Variants in DENND1B observed in about 807,000 individuals in gnomAD.
The protein encoded by DENND1B is DENN domain containing 1B, also known as DENN domain-containing protein 1B.
DENND1B carries 59 observed loss-of-function variants against 90.1 expected under a neutral mutation model. The observed-to-expected ratio is 0.65, with a 90% CI of 0.53 to 0.81. The LOEUF (loss-of-function observed/expected upper bound fraction) is 0.81. Among genes scored for constraint, DENND1B ranks in the 40% least tolerant of loss-of-function variants. The pLI is 0.00. For synonymous variants in DENND1B, 337 were observed against 324.6 expected, an observed-to-expected ratio of 1.04 and a Z score of -0.41; for missense variants, 862 against 912.6, an observed-to-expected ratio of 0.94 and a Z score of 0.71.
chr1:197,575,405 T>C (rs1385248300), intron 15 of DENND1B, among the ~76,000 whole-genome samples: 1 of 152,136 alleles, frequency 6.6e-6, no homozygotes, highest in African/African-American at 2.4e-5. Flanking sequence ...CCATTTAGAA[T>C]GGTGATCATT....
chr1:197,683,911 T>C (rs949679975), intron 3 of DENND1B, among the ~76,000 whole-genome samples: 2 of 152,212 alleles, frequency 1.3e-5, no homozygotes, highest in African/African-American at 2.4e-5. Context: ...CTCTATTTGT[T>C]ACAGTTGGAA....
intron 10 of DENND1B, among the ~76,000 whole-genome samples, chr1:197,633,465 T>G (rs532590571): frequency 6.6e-6 from 1 of 152,230 alleles, no homozygotes; most frequent in East Asian, 1.9e-4. Context: ...AAAGGGACAA[T>G]GCAAAAAGAG....
At chr1:197,736,204 T>A (rs992875273) in intron 2 of DENND1B, 9 of 436,532 alleles carry the variant, frequency 2.1e-5, no homozygotes, top group Non-Finnish European at 3.4e-5. Flanking sequence ...TCTTTTGATT[T>A]CAAGCTCAAT....
chr1:197,605,398 AT>A (rs565999494), intron 13 of DENND1B: 13 of 151,088 alleles, frequency 8.6e-5, no homozygotes, highest in Admixed American at 3.3e-4. Context: ...TTCAAAGATT[AT>A]TTTTTCAAGA....
chr1:197,715,938 C>CA lies in DENND1B; in HGVS notation c.83-865dup, dbSNP rs1269834828. On this transcript the variant is annotated intron_variant, in intron 2 of 22. Transcript: ENST00000620048. ...TGTATAATGGATTATTTCTTCTGGG[C>CA]AAAAAAAAAACAAAACTTGAAAGCC... Among the ~76,000 whole-genome samples the CA allele has an allele frequency of 6.1e-4, 80 of 131,830 alleles. 1 individual carries two copies. The highest frequency in any genetic ancestry group is 3.9e-3 in the Middle Eastern group (1 of 258). 86.5% of individuals were successfully genotyped at this position (131,830 alleles called of 152,430 possible). A position where few individuals can be genotyped will look rare whatever the true frequency, so the allele number is the denominator to read the frequency against.
rs114119207 is a variant in DENND1B at position 197,606,973 on chromosome 1, C to T, written c.921+100G>A. 758 of 827,222 alleles carry T rather than the reference C, an allele frequency of 9.2e-4. 3 individuals carry two copies. In the African/African-American group the frequency reaches 0.012, roughly 13 times the overall value. 51.2% of individuals were successfully genotyped at this position (827,222 alleles called of 1,614,324 possible). A position where few individuals can be genotyped will look rare whatever the true frequency, so the allele number is the denominator to read the frequency against. ...TCTCACACCCCATGCAAATACCCAACCCTTTTATTTCAGATATTAAAAGTG... is the reference window on the plus strand; with the variant it reads ...TCTCACACCCCATGCAAATACCCAATCCTTTTATTTCAGATATTAAAAGTG... On this transcript the variant is annotated intron_variant, in intron 13 of 22. Transcript: ENST00000620048.
chr1:197,510,343 T>C lies in DENND1B; in HGVS notation c.*117A>G. On this transcript the variant is annotated 3_prime_UTR_variant, in exon 23 of 23. Transcript: ENST00000620048. ...TCGAAATGAACAAGTGAGAAAAATG[T>C]TGCAAATGCAAAAAAAAATTTAAAT... 1 of 1,155,998 alleles carries C rather than the reference T, an allele frequency of 8.7e-7. No homozygotes were observed. The highest frequency in any genetic ancestry group is 1.6e-5 in the African/African-American group (1 of 63,598). The allele number at this position is 1,155,998 out of a possible 1,614,324, so 71.6% of individuals were successfully genotyped here.
rs1314456987 is a variant in DENND1B, at chr1:197,552,302, A to G, written c.1240+720T>C. The G allele has an allele frequency of 3.1e-5, 30 of 982,016 alleles. 1 individual carries two copies. Among genetic ancestry groups the G allele is most frequent in the Middle Eastern group, 1.0e-3 (2 of 1,932 alleles). The allele number at this position is 982,016 out of a possible 1,614,324, so 60.8% of individuals were successfully genotyped here. A position where few individuals can be genotyped will look rare whatever the true frequency, so the allele number is the denominator to read the frequency against. On this transcript the variant is annotated intron_variant, in intron 16 of 22. Coordinates refer to ENST00000620048, the MANE Select transcript of DENND1B (RefSeq NM_001195215.2). The stretch of plus-strand genomic sequence containing the variant: ...ATTTAGTACACTTAATATTTAGAAC[A>G]GTGCCTAATACATTGTAAGCACTCA...
At chr1:197,758,372 T>A (rs1172981875) in intron 2 of DENND1B, among the ~76,000 whole-genome samples, 1 of 152,208 alleles carries the variant, frequency 6.6e-6, no homozygotes, top group African/African-American at 2.4e-5. Context: ...AGGAGGAAAG[T>A]TTTTTACTAA....
intron 2 of DENND1B, among the ~76,000 whole-genome samples, chr1:197,718,391 TAA>T (rs10639382): frequency 7.0e-6 from 1 of 143,246 alleles, no homozygotes. Context: ...CTTAAAAATG[TAA>T]AAAAAAAAAA....
Position 197,607,113 on chromosome 1 carries a change from T to C in DENND1B, c.881A>G (p.Glu294Gly). ...GTTGTTCAAGTCACTAAATGGTGAT[T>C]CTAATGTGTTTGTATCAACATTTAA... ...VMLNVDTNTL[E>G]SPFSDLNNLP... Residue 294 changes from glutamate to glycine, a missense_variant, in exon 13 of 23, where the codon GAA (glutamate) becomes GGA (glycine). Transcript: ENST00000620048. 1 of 1,606,260 alleles carries C rather than the reference T, an allele frequency of 6.2e-7. No homozygotes were observed. Among genetic ancestry groups the C allele is most frequent in the South Asian group, 1.1e-5 (1 of 90,548 alleles).
chr1:197,596,828 A>C (rs1675742365), intron 13 of DENND1B, among the ~76,000 whole-genome samples: 1 of 152,000 alleles, frequency 6.6e-6, no homozygotes, highest in South Asian at 2.1e-4. Context: ...AAATGAACAC[A>C]GCATCAGAGG....
At position 197,510,137 on chromosome 1, in the gene DENND1B, T is replaced by C; in HGVS notation, c.*323A>G. The C allele has an allele frequency of 3.9e-6, 1 of 259,294 alleles. No homozygotes were observed. Among genetic ancestry groups the C allele is most frequent in the Non-Finnish European group, 7.4e-6 (1 of 135,750 alleles). 16.1% of individuals were successfully genotyped at this position (259,294 alleles called of 1,614,324 possible). On this transcript the variant is annotated 3_prime_UTR_variant, in exon 23 of 23. Coordinates refer to ENST00000620048, the MANE Select transcript of DENND1B (RefSeq NM_001195215.2). ...TCAACCAGATTAGTATAGTAGCTAC[T>C]GGTTATGTGCATGGGTTACATATGC...
chr1:197,693,745 A>G (rs548812212), intron 3 of DENND1B, among the ~76,000 whole-genome samples: 7 of 151,566 alleles, frequency 4.6e-5, no homozygotes, highest in Middle Eastern at 3.4e-3. Flanking sequence ...TTTGAGCTCC[A>G]TTCTTTTACA....
intron 15 of DENND1B, among the ~76,000 whole-genome samples, chr1:197,553,374 C>T (rs1671417723): frequency 6.6e-6 from 1 of 151,996 alleles, no homozygotes; most frequent in Admixed American, 6.6e-5. Flanking sequence ...AACTTATTAG[C>T]AAAAAATAGC....
intron 20 of DENND1B, among the ~76,000 whole-genome samples, chr1:197,530,600 C>T (rs1669545274): frequency 1.3e-5 from 2 of 152,088 alleles, no homozygotes; most frequent in Non-Finnish European, 2.9e-5. Flanking sequence ...TTTTAGGAGT[C>T]CTAACTACTT....
chr1:197,537,227 C>T (rs1486242320), intron 20 of DENND1B, among the ~76,000 whole-genome samples: 1 of 152,088 alleles, frequency 6.6e-6, no homozygotes, highest in Non-Finnish European at 1.5e-5. Context: ...CAATTCTAAA[C>T]ATGTATGTTT....
chr1:197,578,433 C>T (rs935168541), intron 15 of DENND1B, among the ~76,000 whole-genome samples: 2 of 152,074 alleles, frequency 1.3e-5, no homozygotes, highest in Non-Finnish European at 2.9e-5. Flanking sequence ...TTATTAGAGA[C>T]GGGGTTTCAC....
chr1:197,624,455 A>C (rs1678466069), intron 10 of DENND1B, among the ~76,000 whole-genome samples: 1 of 151,704 alleles, frequency 6.6e-6, no homozygotes, highest in Admixed American at 6.6e-5. Context: ...TAAAATGCAA[A>C]ACTATAAAAC....
Sources: gnomAD v4.1 joint callset for allele counts (sites outside exome capture counted in the v4.1 genomes callset) on GRCh38, gnomAD v4.1.1 for gene constraint, MANE v1.5 for transcripts, NCBI Gene and HGNC (gene_info 2026-07-23, HGNC 2026-07-21) for gene names.